Variants in TBC1D14 observed in about 807,000 individuals in gnomAD.
The protein encoded by TBC1D14 is TBC1 domain family, member 14.
Under a neutral mutation model 79.0 loss-of-function variants are expected in TBC1D14, and 26 were observed. That is an observed-to-expected ratio of 0.33 (90% CI 0.24 to 0.46). The LOEUF is 0.46. Among genes scored for constraint, TBC1D14 ranks in the 20% least tolerant of loss-of-function variants. The pLI is 1.00. For missense variants in TBC1D14, 769 were observed against 887.6 expected, an observed-to-expected ratio of 0.87 and a Z score of 1.70; for synonymous variants, 394 against 349.9, an observed-to-expected ratio of 1.13 and a Z score of -1.40.
intron 3 of TBC1D14, chr4:6,987,436 C>T (rs1388494540): frequency 8.1e-6 from 10 of 1,234,916 alleles, no homozygotes; most frequent in Non-Finnish European, 1.0e-5. Flanking sequence ...CCTGCCAGCC[C>T]TGCGGCCCCG....
At position 6,923,627 on chromosome 4, in the gene TBC1D14, C is replaced by T; in HGVS notation, c.238C>T (p.Pro80Ser). Residue 80 changes from proline to serine, a missense_variant, in exon 2 of 14, where the codon CCC becomes TCC. Physicochemically the swap from Pro to Ser is moderately conservative, Grantham distance 74. This residue lies in a region of TBC1D14 where 402 missense variants were observed against 393.2 expected (regional missense o/e 1.02). Transcript: ENST00000409757. ...TLEIGNPEPV[P>S]CSAVHVRRKQ... ...GGAGATCGGGAACCCGGAGCCTGTA[C>T]CCTGCAGCGCGGTCCACGTGAGGAG... 1 of 1,613,956 alleles carries T rather than the reference C, an allele frequency of 6.2e-7. No homozygotes were observed. The highest frequency in any genetic ancestry group is 8.5e-7 in the Non-Finnish European group (1 of 1,180,028).
intron 3 of TBC1D14, among the ~76,000 whole-genome samples, chr4:6,986,459 T>C (rs1451594067): frequency 1.3e-5 from 2 of 152,240 alleles, no homozygotes; most frequent in Non-Finnish European, 2.9e-5. Flanking sequence ...TCACTTGCCA[T>C]TGTCCTTTTT....
intron 3 of TBC1D14, among the ~76,000 whole-genome samples, chr4:6,992,097 G>C (rs576710248): frequency 6.6e-6 from 1 of 152,320 alleles, no homozygotes; most frequent in Non-Finnish European, 1.5e-5. Context: ...TGCACCAGAG[G>C]CTGTGACATC....
intron 3 of TBC1D14, among the ~76,000 whole-genome samples, chr4:6,984,300 G>C (rs745628971): frequency 6.6e-6 from 1 of 152,190 alleles, no homozygotes; most frequent in African/African-American, 2.4e-5. Flanking sequence ...GTACAATGCA[G>C]CATGGGGTCG....
chr4:6,950,866 C>A (rs1282685549), intron 2 of TBC1D14, among the ~76,000 whole-genome samples: 1 of 152,044 alleles, frequency 6.6e-6, no homozygotes, highest in African/African-American at 2.4e-5. Flanking sequence ...CTGTAATTTT[C>A]CTTTTGGTTT....
At position 6,952,321 on chromosome 4, in the gene TBC1D14, C is replaced by T. The variant is rs966092095; in HGVS notation, c.723-14983C>T. On this transcript the variant is annotated intron_variant, in intron 2 of 13. Transcript: ENST00000409757. Reference sequence around the variant, plus strand: ...TTTCTAGCCAGTGCCCAGGCGATGCCGCTGCTGGTCCAGATTCCCCACTTG... The same window carrying T: ...TTTCTAGCCAGTGCCCAGGCGATGCTGCTGCTGGTCCAGATTCCCCACTTG... 5.9e-5 allele frequency among the ~76,000 whole-genome samples: 9 copies of T among 152,198 alleles called. No homozygotes were observed. The South Asian group carries it at 1.4e-3, about 25-fold the overall frequency.
intron 1 of TBC1D14, among the ~76,000 whole-genome samples, chr4:6,915,851 A>T (rs1723354198): frequency 6.6e-6 from 1 of 151,798 alleles, no homozygotes; most frequent in Admixed American, 6.6e-5. Flanking sequence ...ATGGTGGCTC[A>T]CGCCTGTAGT....
Position 6,912,412 on chromosome 4 carries a change from A to C in TBC1D14, c.-18+2461A>C, listed in dbSNP as rs189518821. Reference sequence around the variant, plus strand: ...AAAATAAAATAAAAAAAATAAAAAAATAAAAAATAAATTTTCTTGGGCCCG... The same window carrying C: ...AAAATAAAATAAAAAAAATAAAAAACTAAAAAATAAATTTTCTTGGGCCCG... On this transcript the variant is annotated intron_variant, in intron 1 of 13. Coordinates refer to ENST00000409757, the MANE Select transcript of TBC1D14 (RefSeq NM_020773.3). Among the ~76,000 whole-genome samples the C allele has an allele frequency of 1.0e-2, 1,513 of 152,020 alleles. 9 individuals carry two copies. Among genetic ancestry groups the C allele is most frequent in the Middle Eastern group, 0.041 (12 of 294 alleles).
At chr4:6,972,555 G>T (rs995628807) in intron 3 of TBC1D14, among the ~76,000 whole-genome samples, 1 of 152,124 alleles carries the variant, frequency 6.6e-6, no homozygotes, top group African/African-American at 2.4e-5. Flanking sequence ...GCCCTTCCCT[G>T]TCCACTGTCA....
chr4:6,978,738 T>TAAAA (rs59534721), intron 3 of TBC1D14, among the ~76,000 whole-genome samples: 7 of 108,480 alleles, frequency 6.5e-5, no homozygotes, highest in Admixed American at 9.9e-5. Context: ...AATGATCAAT[T>TAAAA]AAAAAAAAAA....
intron 2 of TBC1D14, chr4:6,954,091 C>T (rs1714379356): frequency 6.9e-6 from 4 of 583,860 alleles, no homozygotes; most frequent in East Asian, 2.8e-5. Flanking sequence ...TCCTCCCTCC[C>T]TGTGACTGGG....
At chr4:7,024,812 G>A (rs1003463662) in intron 12 of TBC1D14, among the ~76,000 whole-genome samples, 192 bp from the exon 13 acceptor site, 2 of 152,222 alleles carry the variant, frequency 1.3e-5, no homozygotes, top group Non-Finnish European at 2.9e-5. Context: ...GATTCTGTGC[G>A]GAAGCTGATA....
At position 7,004,886 on chromosome 4, in the gene TBC1D14, G is replaced by A. The variant is rs1041331614; in HGVS notation, c.1313G>A (p.Arg438Gln). Reference sequence around the variant, plus strand: ...CTTGCCCGAGCCAAGGAGAGGTGGCGGTCCCTTAGCACAGGAGGCTCTGAA... The same window carrying A: ...CTTGCCCGAGCCAAGGAGAGGTGGCAGTCCCTTAGCACAGGAGGCTCTGAA... ...ICLARAKERWRSLSTGGSEVE... is the reference protein window; with the variant it reads ...ICLARAKERWQSLSTGGSEVE... Residue 438 changes from arginine to glutamine, a missense_variant, in exon 8 of 14, where the codon CGG becomes CAG. Arg to Gln is a conservative substitution (Grantham distance 43). Coordinates refer to ENST00000409757, the MANE Select transcript of TBC1D14 (RefSeq NM_020773.3). 6 of 1,614,100 alleles carry A rather than the reference G, an allele frequency of 3.7e-6. No individual in the cohort carries two copies. Among genetic ancestry groups the A allele is most frequent in the Admixed American group, 1.7e-5 (1 of 60,014 alleles).
intron 2 of TBC1D14, among the ~76,000 whole-genome samples, chr4:6,956,489 C>T (rs985377829): frequency 3.9e-5 from 6 of 152,226 alleles, no homozygotes; most frequent in East Asian, 1.9e-4. Context: ...CCTGCGCACG[C>T]GCCTACACAG....
chr4:6,980,999 G>A (rs1057081771), intron 3 of TBC1D14, among the ~76,000 whole-genome samples: 2 of 149,986 alleles, frequency 1.3e-5, no homozygotes, highest in Non-Finnish European at 3.0e-5. Flanking sequence ...ACAGGCGTGA[G>A]CCACCGCGCC....
At chr4:7,029,663 A>G (rs1003284442) in intron 13 of TBC1D14, among the ~76,000 whole-genome samples, 3 of 152,178 alleles carry the variant, frequency 2.0e-5, no homozygotes, top group African/African-American at 7.2e-5. Flanking sequence ...TGTCTGTACT[A>G]AAAATACAAA....
chr4:6,924,973 CAG>C (rs1488748177), intron 2 of TBC1D14, among the ~76,000 whole-genome samples: 5 of 152,130 alleles, frequency 3.3e-5, no homozygotes, highest in South Asian at 4.1e-4. Flanking sequence ...AGGAAGGGCA[CAG>C]GGGCTGTGGA....
intron 3 of TBC1D14, among the ~76,000 whole-genome samples, chr4:6,970,123 A>G (rs112460946): frequency 1.3e-5 from 2 of 152,234 alleles, no homozygotes; most frequent in South Asian, 2.1e-4. Flanking sequence ...GATGGTGACA[A>G]TAACTCCAGT....
chr4:6,968,211 G>A (rs574831158), intron 3 of TBC1D14, among the ~76,000 whole-genome samples: 1 of 152,240 alleles, frequency 6.6e-6, no homozygotes, highest in South Asian at 2.1e-4. Flanking sequence ...GCTCCACTAA[G>A]CGCCAGGCCT....
Sources: gnomAD v4.1 joint callset for allele counts (sites outside exome capture counted in the v4.1 genomes callset) on GRCh38, gnomAD v4.1.1 for gene constraint, gnomAD v4.1.1 regional missense constraint, MANE v1.5 for transcripts, NCBI Gene and HGNC (gene_info 2026-07-23, HGNC 2026-07-21) for gene names.